The following FKBP14 variants were observed in gnomAD, a reference collection of about 807,000 sequenced individuals.
The protein encoded by FKBP14 is FKBP prolyl isomerase 14.
In FKBP14, 20 loss-of-function variants were observed where a neutral mutation model predicts 21.6. That is an observed-to-expected ratio of 0.92 (90% CI 0.65 to 1.34). The LOEUF (loss-of-function observed/expected upper bound fraction) is 1.34, where lower values mean the gene tolerates loss of function less well. FKBP14 is among the 40% of genes most tolerant of loss of function. The pLI is 0.00. For missense variants in FKBP14, 253 were observed against 249.0 expected, an observed-to-expected ratio of 1.02 and a Z score of -0.11; for synonymous variants, 79 against 86.7, an observed-to-expected ratio of 0.91 and a Z score of 0.49.
intron 3 of FKBP14, among the ~76,000 whole-genome samples, chr7:30,018,663 T>TG (rs1290541974): frequency 6.6e-6 from 1 of 152,244 alleles, no homozygotes; most frequent in Non-Finnish European, 1.5e-5. Context: ...TAACTCCAGA[T>TG]GGAAACTGTC....
downstream of FKBP14, among the ~76,000 whole-genome samples, chr7:30,006,460 G>C (rs1274206559): frequency 6.7e-6 from 1 of 149,960 alleles, no homozygotes; most frequent in African/African-American, 2.5e-5. Flanking sequence ...TCCTAAATCT[G>C]CTTGAACATT....
Position 30,011,535 on chromosome 7 carries a change from CATAT to C in FKBP14, c.*3196_*3199del, listed in dbSNP as rs1248790049. ...ACCATATATATATATATACACACAC[CATAT>C]ATATATATACTATATATATATATAC... On this transcript the variant is annotated 3_prime_UTR_variant, in exon 4 of 4. Transcript: ENST00000222803. 7.6e-6 allele frequency: 1 copy of C among 131,802 alleles called. No homozygotes were observed. Among genetic ancestry groups the C allele is most frequent in the African/African-American group, 2.9e-5 (1 of 35,004 alleles). The allele number at this position is 131,802 out of a possible 1,614,324, so 8.2% of individuals were successfully genotyped here.
At chr7:30,007,911 C>T (rs1223400538), downstream of FKBP14, among the ~76,000 whole-genome samples, 2 of 152,130 alleles carry the variant, frequency 1.3e-5, no homozygotes, top group Admixed American at 6.5e-5. Context: ...TAGCCGGGCA[C>T]GCTGGCATGC....
downstream of FKBP14, among the ~76,000 whole-genome samples, chr7:30,009,200 G>A (rs1197365614): frequency 6.7e-6 from 1 of 149,980 alleles, no homozygotes; most frequent in Admixed American, 6.6e-5. Flanking sequence ...TACTTTTTTA[G>A]TTTTTTGTTT....
At position 30,014,689 on chromosome 7, in the gene FKBP14, C is replaced by A; in HGVS notation, c.*46G>T. 1 of 1,190,862 alleles carries A rather than the reference C, an allele frequency of 8.4e-7. No homozygotes were observed. The highest frequency in any genetic ancestry group is 1.1e-6 in the Non-Finnish European group (1 of 898,642). The allele number at this position is 1,190,862 out of a possible 1,614,324, so 73.8% of individuals were successfully genotyped here. A position where few individuals can be genotyped will look rare whatever the true frequency, so the allele number is the denominator to read the frequency against. On this transcript the variant is annotated 3_prime_UTR_variant, in exon 4 of 4. Transcript: ENST00000222803. ...ATAAAATGTTCTTTAAAGATGACTG[C>A]CCTCTCTTGAAAGATGAGTGCTATA...
rs142474407 is a variant in FKBP14, at chr7:30,014,876, C to T, written c.495G>A (p.Lys165=). The T allele has an allele frequency of 3.7e-4, 586 of 1,591,514 alleles. No homozygotes were observed. The African/African-American group carries it at 7.0e-3, about 19-fold the overall frequency. The change falls in exon 4 of 4, where the codon AAG becomes AAA. Residue 165 remains lysine, a synonymous_variant. Transcript: ENST00000222803. ...LSKDEVKAYL[K]KEFEKHGAVV... ...CCGCACCATGTTTTTCAAACTCCTTCTTTAAATATGCTTTAACCTACAAAA... is the reference window on the plus strand; with the variant it reads ...CCGCACCATGTTTTTCAAACTCCTTTTTTAAATATGCTTTAACCTACAAAA...
Position 30,022,807 on chromosome 7 carries a change from A to C in FKBP14, c.207T>G (p.His69Gln), listed in dbSNP as rs1372971907. Residue 69 changes from histidine to glutamine, a missense_variant, in exon 2 of 4, where the codon CAT (histidine) becomes CAG (glutamine). Physicochemically the swap from His to Gln is conservative, Grantham distance 24 (BLOSUM62 0). Coordinates refer to ENST00000222803, the MANE Select transcript of FKBP14 (RefSeq NM_017946.4). ...TAAACCAAATGGGCTGACCATTGTTATGTTTGTGACTATGATAGAAATAAA... is the reference window on the plus strand; with the variant it reads ...TAAACCAAATGGGCTGACCATTGTTCTGTTTGTGACTATGATAGAAATAAA... The part of the protein sequence containing the change: ...DGSLFHSTHK[H>Q]NNGQPIWFTL... 6.2e-7 allele frequency: 1 copy of C among 1,612,840 alleles called. No individual in the cohort carries two copies. Among genetic ancestry groups the C allele is most frequent in the Non-Finnish European group, 8.5e-7 (1 of 1,179,706 alleles).
intron 2 of FKBP14, chr7:30,020,407 T>C (rs1043231821): frequency 1.3e-5 from 6 of 464,370 alleles, no homozygotes; most frequent in Admixed American, 1.0e-4. Flanking sequence ...TGAAGTAAAC[T>C]TGAGTTAAAT....
chr7:30,024,007 A>G (rs1205882051), intron 1 of FKBP14, among the ~76,000 whole-genome samples: 1 of 152,184 alleles, frequency 6.6e-6, no homozygotes, highest in Non-Finnish European at 1.5e-5. Flanking sequence ...AGTCTAGCCT[A>G]GGAAAACCAA....
At position 30,018,989 on chromosome 7, in the gene FKBP14, A is replaced by G; in HGVS notation, c.477+7T>C. On this transcript the variant is annotated splice_region_variant and intron_variant, in intron 3 of 3. Coordinates refer to ENST00000222803, the MANE Select transcript of FKBP14 (RefSeq NM_017946.4). ...TAGAAAGAGGAGTAGGAAGAAGGAA[A>G]GGTCACCTCATCTTTAGAGAGTTTC... 6.2e-7 allele frequency: 1 copy of G among 1,607,830 alleles called. No homozygotes were observed. Among genetic ancestry groups the G allele is most frequent in the African/African-American group, 1.3e-5 (1 of 74,736 alleles).
intron 3 of FKBP14, among the ~76,000 whole-genome samples, chr7:30,015,450 A>G (rs1244076294): frequency 6.6e-6 from 1 of 150,586 alleles, no homozygotes; most frequent in East Asian, 2.0e-4. Context: ...AAAAATATAT[A>G]TATATATATA....
intron 1 of FKBP14, among the ~76,000 whole-genome samples, chr7:30,024,038 G>A (rs534687931): frequency 6.6e-6 from 1 of 152,300 alleles, no homozygotes; most frequent in East Asian, 1.9e-4. Context: ...TACATACAGG[G>A]AGGCTTAAGG....
rs1225621293 is a variant in FKBP14, at chr7:30,011,615, T to A, written c.*3120A>T. On this transcript the variant is annotated 3_prime_UTR_variant, in exon 4 of 4. Transcript: ENST00000222803. ...TAGTATATATATATATATATATTTTTTTTTTTAGATGGGGAGTCACTCTGT... is the reference window on the plus strand; with the variant it reads ...TAGTATATATATATATATATATTTTATTTTTTAGATGGGGAGTCACTCTGT... The A allele has an allele frequency of 1.4e-5, 2 of 145,416 alleles. No individual in the cohort carries two copies. The highest frequency in any genetic ancestry group is 2.0e-4 in the East Asian group (1 of 5,074). 9.0% of individuals were successfully genotyped at this position (145,416 alleles called of 1,614,324 possible).
At position 30,026,404 on chromosome 7, in the gene FKBP14, T is replaced by C. The variant is rs1790174432; in HGVS notation, c.105A>G (p.Pro35=). The C allele has an allele frequency of 1.2e-6, 2 of 1,614,194 alleles. No homozygotes were observed. Among genetic ancestry groups the C allele is most frequent in the East Asian group, 4.5e-5 (2 of 44,884 alleles). Residue 35 remains proline, a synonymous_variant, in exon 1 of 4, where the codon CCA becomes CCG. Coordinates refer to ENST00000222803, the MANE Select transcript of FKBP14 (RefSeq NM_017946.4). ...CTTTGGTCTTGCGATGGCAGATGAA[T>C]GGCTTCTGGAGAACTTCAATTTTCA... ...PEVKIEVLQK[P]FICHRKTKGG... is the part of the protein sequence containing the mutation.
At chr7:30,020,528 C>T (rs1390821797) in intron 2 of FKBP14, among the ~76,000 whole-genome samples, 3 of 152,182 alleles carry the variant, frequency 2.0e-5, no homozygotes, top group South Asian at 2.1e-4. Flanking sequence ...AAACCCCATA[C>T]ATACAATGCT....
chr7:30,010,978 T>G lies in FKBP14; in HGVS notation c.*3757A>C, dbSNP rs1789707517. ...AGTCCAAAAATTGTTTTTAAATAAG[T>G]TTCTAAACTAGAAAATTTACAGTAA... On this transcript the variant is annotated 3_prime_UTR_variant, in exon 4 of 4. Transcript: ENST00000222803. 6 of 152,266 alleles carry G rather than the reference T, an allele frequency of 3.9e-5. No individual in the cohort carries two copies. 9.4% of individuals were successfully genotyped at this position (152,266 alleles called of 1,614,324 possible).
downstream of FKBP14, among the ~76,000 whole-genome samples, chr7:30,008,995 A>AAATACT (rs974181586): frequency 2.0e-5 from 3 of 152,092 alleles, no homozygotes. Context: ...GAAGTACTAG[A>AAATACT]AATACTATAA....
At chr7:30,021,117 C>G (rs1432850886) in intron 2 of FKBP14, among the ~76,000 whole-genome samples, 1 of 151,890 alleles carries the variant, frequency 6.6e-6, no homozygotes, top group Non-Finnish European at 1.5e-5. Context: ...ACTTTTTTTT[C>G]TTCATTATGT....
chr7:30,025,464 A>G (rs1790148251), intron 1 of FKBP14: 1 of 152,240 alleles, frequency 6.6e-6, no homozygotes, highest in East Asian at 1.9e-4. Flanking sequence ...TGACCATTCA[A>G]TAAGAGTTTG....
Sources: gnomAD v4.1 joint callset for allele counts (sites outside exome capture counted in the v4.1 genomes callset) on GRCh38, gnomAD v4.1.1 for gene constraint, MANE v1.5 for transcripts, NCBI Gene and HGNC (gene_info 2026-07-23, HGNC 2026-07-21) for gene names.